PCSK5: variants seen among roughly 807,000 people sequenced by gnomAD.
The protein encoded by PCSK5 is prohormone convertase 5.
Under a neutral mutation model 233.2 loss-of-function variants are expected in PCSK5, and 129 were observed. That is an observed-to-expected ratio of 0.55 (90% confidence interval 0.48 to 0.64). The LOEUF is 0.64. Ranked by LOEUF, PCSK5 falls within the 30% of genes least tolerant of loss-of-function variation. The pLI, the probability that PCSK5 is intolerant of heterozygous loss-of-function variation, is 0.00. For synonymous variants in PCSK5, 825 were observed against 879.2 expected (o/e 0.94, Z 1.09); for missense variants, 2,076 against 2,430.1 (o/e 0.85, Z 3.06).
intron 24 of PCSK5, among the ~76,000 whole-genome samples, chr9:76,251,601 T>C (rs1427086712): frequency 6.6e-6 from 1 of 150,704 alleles, no homozygotes; most frequent in Admixed American, 6.6e-5. Flanking sequence ...AAAAGAAAAG[T>C]ACTTCAACAT....
At chr9:76,295,220 TGAA>T in intron 25 of PCSK5, 52 bp from the exon 26 acceptor site, 1 of 1,490,078 alleles carries the variant, frequency 6.7e-7, no homozygotes, top group Non-Finnish European at 9.2e-7. Context: ...TAAATTATGG[TGAA>T]GAGAAATACA....
chr9:76,274,609 C>T (rs1396440771), intron 24 of PCSK5, among the ~76,000 whole-genome samples: 4 of 151,498 alleles, frequency 2.6e-5, no homozygotes, highest in African/African-American at 7.3e-5. Context: ...CCTGGAACTA[C>T]TTGAAACTGA....
intron 26 of PCSK5, among the ~76,000 whole-genome samples, chr9:76,295,952 G>T (rs1318824001): frequency 6.6e-6 from 1 of 152,212 alleles, no homozygotes; most frequent in Non-Finnish European, 1.5e-5. Flanking sequence ...AGCCCACAAT[G>T]ATCTTCAGTG....
intron 24 of PCSK5, among the ~76,000 whole-genome samples, chr9:76,271,819 G>T (rs111297088): frequency 1.3e-5 from 2 of 152,126 alleles, no homozygotes; most frequent in Non-Finnish European, 2.9e-5. Context: ...CCTCTTTCTG[G>T]CTCCTTGTGG....
intron 32 of PCSK5, among the ~76,000 whole-genome samples, chr9:76,327,121 T>TTC (rs1829386321): frequency 7.0e-6 from 1 of 143,426 alleles, no homozygotes; most frequent in South Asian, 2.1e-4. Context: ...TTTTTTTTTT[T>TTC]CCTGAGACAG....
chr9:76,202,491 C>T (rs1044502722), intron 20 of PCSK5, among the ~76,000 whole-genome samples: 4 of 152,364 alleles, frequency 2.6e-5, no homozygotes, highest in Non-Finnish European at 2.9e-5. Flanking sequence ...TTCCTTTCCA[C>T]GGCCTTGAAG....
chr9:75,952,941 A>G (rs1276047950), intron 2 of PCSK5, among the ~76,000 whole-genome samples: 1 of 152,192 alleles, frequency 6.6e-6, no homozygotes, highest in African/African-American at 2.4e-5. Flanking sequence ...CATATATAAG[A>G]TAAATGCACA....
intron 5 of PCSK5, among the ~76,000 whole-genome samples, chr9:76,030,141 A>C (rs1289693218): frequency 2.0e-5 from 3 of 150,382 alleles, no homozygotes; most frequent in Non-Finnish European, 4.5e-5. Context: ...AAGGATCAGC[A>C]ATACTTTAAG....
intron 30 of PCSK5, among the ~76,000 whole-genome samples, chr9:76,317,244 T>C (rs1317361869): frequency 6.6e-6 from 1 of 152,082 alleles, no homozygotes; most frequent in Admixed American, 6.6e-5. Flanking sequence ...ATGCCTGTAG[T>C]CCCAGCTACT....
intron 24 of PCSK5, among the ~76,000 whole-genome samples, chr9:76,284,841 T>C (rs936990760): frequency 6.6e-6 from 1 of 152,122 alleles, no homozygotes; most frequent in East Asian, 1.9e-4. Context: ...CAAACCTCTT[T>C]TTCTTTTAAA....
chr9:76,357,645 G>T (rs933795232), intron 37 of PCSK5, among the ~76,000 whole-genome samples: 1 of 152,208 alleles, frequency 6.6e-6, no homozygotes, highest in Non-Finnish European at 1.5e-5. Flanking sequence ...AAGAACTGTT[G>T]TCAGAGCCTT....
intron 3 of PCSK5, among the ~76,000 whole-genome samples, chr9:76,002,891 A>G (rs2131431994): frequency 6.6e-6 from 1 of 152,330 alleles, no homozygotes; most frequent in African/African-American, 2.4e-5. Context: ...ATTGCAAGAT[A>G]ACTGTCAGGA....
chr9:76,046,177 T>TGG, intron 5 of PCSK5, among the ~76,000 whole-genome samples: 1 of 118,228 alleles, frequency 8.5e-6, no homozygotes, highest in East Asian at 2.4e-4. Context: ...TTTTTTTTTT[T>TGG]TTTTTTTTTT....
intron 1 of PCSK5, among the ~76,000 whole-genome samples, chr9:75,920,094 G>A (rs1394368570): frequency 2.0e-5 from 3 of 152,242 alleles, no homozygotes; most frequent in South Asian, 2.1e-4. Flanking sequence ...ACTTGAATGC[G>A]GGAGGCAAAG....
At chr9:76,173,907 G>A (rs1823453723) in intron 13 of PCSK5, among the ~76,000 whole-genome samples, 1 of 152,094 alleles carries the variant, frequency 6.6e-6, no homozygotes, top group African/African-American at 2.4e-5. Context: ...CAGGGAGTCA[G>A]GGGTTGCAGT....
chr9:76,135,658 A>G (rs1033338016), intron 10 of PCSK5, among the ~76,000 whole-genome samples: 1 of 152,046 alleles, frequency 6.6e-6, no homozygotes, highest in Non-Finnish European at 1.5e-5. Context: ...TGCCATATGT[A>G]TGTTTCATTT....
chr9:75,892,661 G>A (rs1286405934), intron 1 of PCSK5, among the ~76,000 whole-genome samples: 1 of 152,292 alleles, frequency 6.6e-6, no homozygotes, highest in South Asian at 2.1e-4. Flanking sequence ...AGGAACCCGG[G>A]GACACCCCCC....
chr9:76,359,123 G>A lies in PCSK5; in HGVS notation c.*201G>A. On this transcript the variant is annotated 3_prime_UTR_variant, in exon 38 of 38. Coordinates refer to ENST00000674117, the MANE Select transcript of PCSK5 (RefSeq NM_001372043.1). ...TGGCTAAACTCAATTAACAGTTCCT[G>A]TTCAACCGTAATTGAAGAGCAAGGA... 7.2e-6 allele frequency: 4 copies of A among 556,962 alleles called. No individual in the cohort carries two copies. The South Asian group carries it at 1.0e-4, about 14-fold the overall frequency. 34.5% of individuals were successfully genotyped at this position (556,962 alleles called of 1,614,324 possible). A position where few individuals can be genotyped will look rare whatever the true frequency, so the allele number is the denominator to read the frequency against.
At chr9:75,918,507 AT>A (rs1564081000) in intron 1 of PCSK5, among the ~76,000 whole-genome samples, 2 of 152,230 alleles carry the variant, frequency 1.3e-5, no homozygotes, top group African/African-American at 4.8e-5. Context: ...ATTTCAAGAC[AT>A]TTATATTAGG....
Sources: gnomAD v4.1 joint callset for allele counts (sites outside exome capture counted in the v4.1 genomes callset) on GRCh38, gnomAD v4.1.1 for gene constraint, MANE v1.5 for transcripts, NCBI Gene and HGNC (gene_info 2026-07-23, HGNC 2026-07-21) for gene names.